PCDHGA2: variants seen among roughly 807,000 people sequenced by gnomAD.
PCDHGA2 encodes protocadherin gamma-A2.
PCDHGA2 carries 40 observed loss-of-function variants against 59.2 expected under a neutral mutation model. The observed-to-expected ratio is 0.68, with a 90% CI of 0.52 to 0.88. The LOEUF is 0.88. PCDHGA2 is among the 40% of genes least tolerant of loss of function. The probability of loss-of-function intolerance (pLI) is 0.00; values close to 1 mark genes in which losing one functional copy is unlikely to be tolerated. For synonymous variants in PCDHGA2, 560 were observed against 526.0 expected (o/e 1.06, Z -0.89); for missense variants, 1,226 against 1,204.0 (o/e 1.02, Z -0.27).
chr5:141,450,454 G>A (rs144071286), intron 1 of PCDHGA2, among the ~76,000 whole-genome samples: 3,498 of 151,958 alleles, frequency 0.023, 60 homozygotes, highest in Middle Eastern at 0.051. Flanking sequence ...ATGTTTCCTC[G>A]TGATTTTATA....
At chr5:141,508,535 C>CA (rs1426956469) in intron 3 of PCDHGA2, among the ~76,000 whole-genome samples, 1 of 152,172 alleles carries the variant, frequency 6.6e-6, no homozygotes, top group Admixed American at 6.5e-5. Flanking sequence ...GGGCACCCCC[C>CA]ACGAGGTGGG....
chr5:141,437,262 G>A (rs1490690532), intron 1 of PCDHGA2, among the ~76,000 whole-genome samples: 1 of 152,152 alleles, frequency 6.6e-6, no homozygotes, highest in Non-Finnish European at 1.5e-5. Flanking sequence ...CTTTTTATGT[G>A]TATGACAGAT....
Position 141,357,750 on chromosome 5 carries a change from A to G in PCDHGA2, c.2424+16355A>G, listed in dbSNP as rs188292079. On this transcript the variant is annotated intron_variant, in intron 1 of 3. Coordinates refer to ENST00000394576, the MANE Select transcript of PCDHGA2 (RefSeq NM_018915.4). ...TTAATATTTTATTGCTTTAAAGAAA[A>G]CTGGTGGATGACCTTCCAATAATGA... 17 of 1,147,492 alleles carry G rather than the reference A, an allele frequency of 1.5e-5. No individual in the cohort carries two copies. The East Asian group carries it at 4.4e-4, about 30-fold the overall frequency. 71.1% of individuals were successfully genotyped at this position (1,147,492 alleles called of 1,614,324 possible).
chr5:141,382,904 C>T (rs1286843210), intron 1 of PCDHGA2: 3 of 1,543,132 alleles, frequency 1.9e-6, no homozygotes, highest in Non-Finnish European at 1.7e-6. Flanking sequence ...ACGACTATGG[C>T]GGCTCAGCCG....
At chr5:141,497,203 G>A (rs750138875) in intron 2 of PCDHGA2, among the ~76,000 whole-genome samples, 25 of 91,718 alleles carry the variant, frequency 2.7e-4, no homozygotes, top group Non-Finnish European at 4.9e-4. Flanking sequence ...AACAATGTGA[G>A]TGTAATGGGG....
chr5:141,377,683 T>C (rs1160424297), intron 1 of PCDHGA2: 1 of 152,192 alleles, frequency 6.6e-6, no homozygotes, highest in Non-Finnish European at 1.5e-5. Context: ...AAGAGATCTT[T>C]CACCTTTACT....
intron 1 of PCDHGA2, chr5:141,378,592 C>T (rs1309988973): frequency 6.6e-6 from 1 of 152,104 alleles, no homozygotes; most frequent in Non-Finnish European, 1.5e-5. Flanking sequence ...GTAGTGTCTG[C>T]TTACAGGACA....
intron 1 of PCDHGA2, chr5:141,430,816 C>G: frequency 6.5e-7 from 1 of 1,538,128 alleles, no homozygotes. Context: ...TGGGAATCCT[C>G]CTGGGGACTC....
rs1022202521 is a variant in PCDHGA2 at position 141,339,100 on chromosome 5, C to T, written c.129C>T (p.Ser43=). Residue 43 remains serine, a synonymous_variant, in exon 1 of 4, where the codon TCC becomes TCT. Coordinates refer to ENST00000394576, the MANE Select transcript of PCDHGA2 (RefSeq NM_018915.4). ...YSVREEIDRG[S]FVGNIAKDLG... is the part of the protein sequence containing the mutation. ...TGCGGGAAGAGATCGACAGAGGCTC[C>T]TTCGTAGGCAACATCGCCAAGGACT... is the stretch of plus-strand genomic sequence containing the variant. 11 of 1,614,144 alleles carry T rather than the reference C, an allele frequency of 6.8e-6. No homozygotes were observed. Among genetic ancestry groups the T allele is most frequent in the South Asian group, 1.1e-5 (1 of 91,092 alleles).
rs112156044 is a variant in PCDHGA2, at chr5:141,476,771, G to A, written c.2425-18036G>A. The A allele has an allele frequency of 6.2e-7, 1 of 1,613,700 alleles. No homozygotes were observed. The highest frequency in any genetic ancestry group is 1.3e-5 in the African/African-American group (1 of 75,036). On this transcript the variant is annotated intron_variant, in intron 1 of 3. Coordinates refer to ENST00000394576, the MANE Select transcript of PCDHGA2 (RefSeq NM_018915.4). The surrounding 1 kb of genome is among the most constrained non-coding windows in gnomAD (Gnocchi z 7.6). ...CCAGTTAGTGCTGACGGCGTTGGAC[G>A]GAGGGACCCCAGCTCTCTCCGCCAG...
At chr5:141,412,931 T>A in intron 1 of PCDHGA2, 1 of 453,226 alleles carries the variant, frequency 2.2e-6, no homozygotes, top group Non-Finnish European at 3.9e-6. Context: ...CAGTAACTTC[T>A]TAGGACTCTG....
intron 1 of PCDHGA2, chr5:141,389,763 G>C: frequency 6.2e-7 from 1 of 1,612,978 alleles, no homozygotes; most frequent in African/African-American, 1.3e-5. Context: ...AGTGCGCACA[G>C]CGCGTGCCTT....
chr5:141,371,501 C>G, intron 1 of PCDHGA2: 1 of 1,613,882 alleles, frequency 6.2e-7, no homozygotes, highest in South Asian at 1.1e-5. Context: ...TTGCCCTGAT[C>G]AAAACACATG....
At chr5:141,397,770 A>G (rs913843546) in intron 1 of PCDHGA2, among the ~76,000 whole-genome samples, 13 of 152,238 alleles carry the variant, frequency 8.5e-5, no homozygotes, top group African/African-American at 2.2e-4. Flanking sequence ...TTTATTAAGT[A>G]TATGGACGTA....
Position 141,476,264 on chromosome 5 carries a change from G to C in PCDHGA2, c.2425-18543G>C, listed in dbSNP as rs753184649. The C allele has an allele frequency of 6.2e-7, 1 of 1,614,082 alleles. No individual in the cohort carries two copies. Among genetic ancestry groups the C allele is most frequent in the Non-Finnish European group, 8.5e-7 (1 of 1,180,010 alleles). On this transcript the variant is annotated intron_variant, in intron 1 of 3. Transcript: ENST00000394576. This position sits in a 1 kb window ranked among gnomAD's most constrained non-coding sequence, Gnocchi z 7.6. ...AGAGAAGGGTTTCGCTGTGGGCAAC[G>C]TGGTCGCGAACCTTGGTTTGGATCT...
intron 1 of PCDHGA2, chr5:141,364,295 A>G: frequency 6.6e-7 from 1 of 1,520,404 alleles, no homozygotes; most frequent in South Asian, 1.3e-5. Context: ...AGCAGGCTGA[A>G]CCAGAACTAA....
At chr5:141,392,242 G>T (rs1294476832) in intron 1 of PCDHGA2, 1 of 152,134 alleles carries the variant, frequency 6.6e-6, no homozygotes, top group Non-Finnish European at 1.5e-5. Context: ...TTAGTTATTT[G>T]TTAGTATATA....
At position 141,489,384 on chromosome 5, in the gene PCDHGA2, T is replaced by G; in HGVS notation, c.2425-5423T>G. The G allele has an allele frequency of 6.2e-7, 1 of 1,613,986 alleles. No individual in the cohort carries two copies. The highest frequency in any genetic ancestry group is 1.3e-5 in the African/African-American group (1 of 75,042). On this transcript the variant is annotated intron_variant, in intron 1 of 3. Transcript: ENST00000394576. This position sits in a 1 kb window ranked among gnomAD's most constrained non-coding sequence, Gnocchi z 4.5. ...AGCCGGGGACGCTGGTGGGGAATGT[T>G]GCTCAGGATCTGGGCTTAAAGATGA...
chr5:141,405,546 A>G (rs2094684316), intron 1 of PCDHGA2: 1 of 630,658 alleles, frequency 1.6e-6, no homozygotes, highest in Admixed American at 2.9e-5. Context: ...CAGCCTCCCA[A>G]GTAGAGTAGC....
Sources: allele counts gnomAD v4.1 joint callset (sites outside exome capture counted in the v4.1 genomes callset), GRCh38; gene constraint gnomAD v4.1.1; non-coding constraint Gnocchi (gnomAD v3.1); transcripts MANE v1.5; gene names NCBI Gene and HGNC (gene_info 2026-07-23, HGNC 2026-07-21).